CFAP251: variants seen among roughly 807,000 people sequenced by gnomAD.
CFAP251 encodes cilia and flagella associated protein 251, also known as cilia- and flagella-associated protein 251.
In CFAP251, 93 loss-of-function variants were observed where a neutral mutation model predicts 126.7. That is an observed-to-expected ratio of 0.73 (90% CI 0.62 to 0.87). The LOEUF (loss-of-function observed/expected upper bound fraction) is 0.87, where lower values mean the gene tolerates loss of function less well. Ranked by LOEUF, CFAP251 falls within the 40% of genes least tolerant of loss-of-function variation. The pLI is 0.00. For synonymous variants in CFAP251, 503 were observed against 506.9 expected (o/e 0.99, Z 0.10); for missense variants, 1,287 against 1,389.2 (o/e 0.93, Z 1.17).
rs1267935766 is a variant in CFAP251 at position 121,960,655 on chromosome 12, C to T, written c.2204C>T (p.Ala735Val). Residue 735 changes from alanine to valine, a missense_variant, in exon 14 of 22, where the codon GCA becomes GTA. By Grantham distance (64) the Ala-to-Val change is moderately conservative. Transcript: ENST00000288912. ...RNGQRVWEYLARLRSHRKSIR... is the reference protein window; with the variant it reads ...RNGQRVWEYLVRLRSHRKSIR... The stretch of plus-strand genomic sequence containing the variant: ...GGACAGAGGGTCTGGGAGTACTTAG[C>T]AAGACTTCGCTCTCATCGCAAAAGC... 1.9e-6 allele frequency: 3 copies of T among 1,614,022 alleles called. No individual in the cohort carries two copies. Among genetic ancestry groups the T allele is most frequent in the African/African-American group, 2.7e-5 (2 of 74,918 alleles).
chr12:121,960,338 C>G (rs1881887333), intron 13 of CFAP251, among the ~76,000 whole-genome samples: 1 of 152,024 alleles, frequency 6.6e-6, no homozygotes, highest in Non-Finnish European at 1.5e-5. Flanking sequence ...TTGTGTCAGC[C>G]TCCCAAGTAG....
At chr12:121,928,204 C>T (rs539537226) in intron 3 of CFAP251, among the ~76,000 whole-genome samples, 144 of 152,164 alleles carry the variant, frequency 9.5e-4, no homozygotes, top group Non-Finnish European at 1.3e-3. Context: ...TTAGGATTAG[C>T]AAGTTTCCAA....
In CFAP251 at chr12:121,975,302, C is replaced by T. The variant is rs895806373; in HGVS notation, c.2830C>T (p.Leu944=). 1 of 1,614,090 alleles carries T rather than the reference C, an allele frequency of 6.2e-7. No individual in the cohort carries two copies. The highest frequency in any genetic ancestry group is 1.3e-5 in the African/African-American group (1 of 74,934). The part of the protein sequence containing the change: ...GEDLTPFYGL[L]SGGREGKFYR... ...AGACTTGACCCCATTCTATGGTCTG[C>T]TGTCTGGTGGCCGGGAAGGAAAATT... The change falls in exon 18 of 22, where the codon CTG becomes TTG. Residue 944 remains leucine, a synonymous_variant. Coordinates refer to ENST00000288912, the MANE Select transcript of CFAP251 (RefSeq NM_144668.6).
intron 15 of CFAP251, among the ~76,000 whole-genome samples, chr12:121,965,622 A>G (rs1565915984): frequency 6.6e-6 from 1 of 152,238 alleles, no homozygotes; most frequent in Non-Finnish European, 1.5e-5. Flanking sequence ...TCTCTGTGTA[A>G]TGACGTGGAA....
intron 15 of CFAP251, among the ~76,000 whole-genome samples, chr12:121,964,766 G>T (rs1448303788): frequency 6.6e-6 from 1 of 152,170 alleles, no homozygotes; most frequent in Non-Finnish European, 1.5e-5. Context: ...CGGGCGTGGT[G>T]GCATGCACCT....
chr12:121,924,916 C>A, intron 3 of CFAP251, among the ~76,000 whole-genome samples: 1 of 152,032 alleles, frequency 6.6e-6, no homozygotes, highest in East Asian at 1.9e-4. Flanking sequence ...GCCCCTTTCC[C>A]CAGCTTCCTC....
chr12:121,932,053 GTC>G (rs1880714452), intron 4 of CFAP251, 167 bp downstream of exon 4: 3 of 537,042 alleles, frequency 5.6e-6, no homozygotes, highest in East Asian at 3.6e-5. Context: ...ATTGTTTATT[GTC>G]TCTCTGTTTC....
intron 17 of CFAP251, chr12:121,969,938 A>G: frequency 3.0e-6 from 3 of 985,464 alleles, no homozygotes; most frequent in Non-Finnish European, 3.6e-6. Flanking sequence ...GTGGGGACAA[A>G]GGATCATTAT....
At chr12:121,983,141 T>C (rs2135805577) in intron 19 of CFAP251, among the ~76,000 whole-genome samples, 1 of 152,124 alleles carries the variant, frequency 6.6e-6, no homozygotes, top group Middle Eastern at 3.4e-3. Context: ...GTGGGAAGGA[T>C]CGAAGGATCG....
chr12:121,985,841 T>G (rs1882733599), intron 19 of CFAP251, among the ~76,000 whole-genome samples: 1 of 152,074 alleles, frequency 6.6e-6, no homozygotes, highest in Non-Finnish European at 1.5e-5. Flanking sequence ...GAGATGAGAT[T>G]AATAAAATAA....
Position 121,926,667 on chromosome 12 carries a change from G to A in CFAP251, c.747+2677G>A, listed in dbSNP as rs935218739. On this transcript the variant is annotated intron_variant, in intron 3 of 21. Transcript: ENST00000288912. ...TTGTTAAAACTATTCAGTGTTGGCC[G>A]GGCGCGGTGGCTCACACCTGTAATC... Among the ~76,000 whole-genome samples the A allele has an allele frequency of 3.3e-5, 5 of 152,224 alleles. No homozygotes were observed. In the East Asian group the frequency reaches 5.8e-4, roughly 18 times the overall value.
intron 19 of CFAP251, among the ~76,000 whole-genome samples, chr12:121,987,993 A>G (rs998153497): frequency 6.6e-6 from 1 of 152,044 alleles, no homozygotes; most frequent in African/African-American, 2.4e-5. Flanking sequence ...ATTTTTCTTT[A>G]TATCTCCATT....
At chr12:121,981,842 C>T (rs750560527) in intron 19 of CFAP251, among the ~76,000 whole-genome samples, 13 of 152,206 alleles carry the variant, frequency 8.5e-5, no homozygotes, top group Non-Finnish European at 1.5e-4. Context: ...GTGCCAGTTA[C>T]GACTTGGTCA....
At position 121,968,034 on chromosome 12, in the gene CFAP251, G is replaced by A. The variant is rs1444334546; in HGVS notation, c.2636G>A (p.Gly879Asp). 29 of 1,609,982 alleles carry A rather than the reference G, an allele frequency of 1.8e-5. No individual in the cohort carries two copies. The highest frequency in any genetic ancestry group is 2.5e-5 in the Non-Finnish European group (29 of 1,176,862). The change falls in exon 17 of 22, where the codon GGC becomes GAC. Residue 879 changes from glycine to aspartate, a missense_variant. Transcript: ENST00000288912. ...KVGLQILPVDGNPHKTSAIVC... is the reference protein window; with the variant it reads ...KVGLQILPVDDNPHKTSAIVC... ...GGACTTCAGATCTTACCAGTTGACG[G>A]CAATCCACATAAGACATCTGCTATT... is the stretch of plus-strand genomic sequence containing the variant.
At chr12:121,937,649 G>A (rs1408242767) in intron 5 of CFAP251, among the ~76,000 whole-genome samples, 1 of 152,166 alleles carries the variant, frequency 6.6e-6, no homozygotes, top group Admixed American at 6.5e-5. Context: ...GGGGAGGGAA[G>A]AGTTCAACAA....
chr12:121,926,219 C>T (rs756985119), intron 3 of CFAP251, among the ~76,000 whole-genome samples: 2 of 151,960 alleles, frequency 1.3e-5, no homozygotes, highest in Admixed American at 6.6e-5. Flanking sequence ...GAACTCAATC[C>T]TCCCACTTCA....
chr12:121,967,228 G>C (rs1592992836), intron 16 of CFAP251, among the ~76,000 whole-genome samples, 159 bp downstream of exon 16: 1 of 152,302 alleles, frequency 6.6e-6, no homozygotes, highest in East Asian at 1.9e-4. Flanking sequence ...CCCTTGATGA[G>C]TTAGGAAGAC....
At position 121,928,680 on chromosome 12, in the gene CFAP251, ATATATATACG is replaced by A. The variant is rs1880545671; in HGVS notation, c.748-3057_748-3048del. 6.7e-5 allele frequency among the ~76,000 whole-genome samples: 4 copies of A among 60,106 alleles called. No homozygotes were observed. The South Asian group carries it at 1.3e-3, about 19-fold the overall frequency. 39.4% of individuals were successfully genotyped at this position (60,106 alleles called of 152,430 possible). A position where few individuals can be genotyped will look rare whatever the true frequency, so the allele number is the denominator to read the frequency against. ...TACGTATATATATACGTATATATAT[ATATATATACG>A]TATATATATATATATTTTTTTTTTG... On this transcript the variant is annotated intron_variant, in intron 3 of 21. Transcript: ENST00000288912.
intron 7 of CFAP251, 25 bp downstream of exon 7, chr12:121,943,000 C>T: frequency 1.9e-6 from 3 of 1,613,072 alleles, no homozygotes; most frequent in Non-Finnish European, 2.5e-6. Flanking sequence ...AGCCTGTAAA[C>T]ATCAACCTGA....
Sources: gnomAD v4.1 joint callset for allele counts (sites outside exome capture counted in the v4.1 genomes callset) on GRCh38, gnomAD v4.1.1 for gene constraint, MANE v1.5 for transcripts, NCBI Gene and HGNC (gene_info 2026-07-23, HGNC 2026-07-21) for gene names.